The following SNAP91 variants were observed in gnomAD, a reference collection of about 807,000 sequenced individuals.
SNAP91 encodes clathrin coat assembly protein AP180.
SNAP91 carries 27 observed loss-of-function variants against 100.3 expected under a neutral mutation model. The ratio of observed to expected loss-of-function variants is 0.27; its 90% CI spans 0.20 to 0.37. The LOEUF (loss-of-function observed/expected upper bound fraction) is 0.37. SNAP91 is among the 10% of genes least tolerant of loss of function. SNAP91 has a pLI of 1.00. For synonymous variants in SNAP91, 404 were observed against 398.6 expected (o/e 1.01, Z -0.16); for missense variants, 986 against 1,123.7 (o/e 0.88, Z 1.75).
chr6:83,683,281 A>G (rs559722090), intron 2 of SNAP91, among the ~76,000 whole-genome samples: 1 of 152,082 alleles, frequency 6.6e-6, no homozygotes, highest in Non-Finnish European at 1.5e-5. Flanking sequence ...TCTCTTAGTA[A>G]GTGATACAGT....
chr6:83,555,941 A>T (rs766763195), intron 29 of SNAP91, among the ~76,000 whole-genome samples: 1 of 152,130 alleles, frequency 6.6e-6, no homozygotes, highest in Non-Finnish European at 1.5e-5. Context: ...TTTGGAGGTT[A>T]CTTTCCCTCC....
At position 83,556,277 on chromosome 6, in the gene SNAP91, G is replaced by C. The variant is rs1191246626; in HGVS notation, c.2632-32C>G. 5 of 1,012,946 alleles carry C rather than the reference G, an allele frequency of 4.9e-6. No individual in the cohort carries two copies. The Admixed American group carries it at 1.2e-4, about 25-fold the overall frequency. 62.7% of individuals were successfully genotyped at this position (1,012,946 alleles called of 1,614,324 possible). ...GGAAAAAGCCAGCCCCAAAGAGCAGGAATAGAAAGCAGAGAGAGAATGAGA... is the reference window on the plus strand; with the variant it reads ...GGAAAAAGCCAGCCCCAAAGAGCAGCAATAGAAAGCAGAGAGAGAATGAGA... On this transcript the variant is annotated intron_variant, in intron 28 of 29. Coordinates refer to ENST00000369694, the MANE Select transcript of SNAP91 (RefSeq NM_001242792.2).
intron 26 of SNAP91, among the ~76,000 whole-genome samples, chr6:83,572,540 C>A (rs1318853347): frequency 2.6e-5 from 4 of 152,170 alleles, no homozygotes; most frequent in African/African-American, 9.7e-5. Flanking sequence ...GCATGAGCCA[C>A]CGTGCCCAGC....
In SNAP91 at chr6:83,665,579, A is replaced by T. The variant is rs1285113094; in HGVS notation, c.133T>A (p.Leu45Met). 1 of 1,605,552 alleles carries T rather than the reference A, an allele frequency of 6.2e-7. No homozygotes were observed. Among genetic ancestry groups the T allele is most frequent in the South Asian group, 1.1e-5 (1 of 90,038 alleles). Reference protein sequence around the residue: ...MGPKKKHLDYLIQATNETNVN... With the variant: ...MGPKKKHLDYMIQATNETNVN... ...TTGGTCTCGTTGGTAGCCTGGATCA[A>T]ATCTATGAAAATAGAAGATATTAAT... The change falls in exon 3 of 30, where the codon TTG becomes ATG. Residue 45 changes from leucine (L) to methionine (M), a missense_variant and splice_region_variant. By Grantham distance (15) the Leu-to-Met change is conservative. Coordinates refer to ENST00000369694, the MANE Select transcript of SNAP91 (RefSeq NM_001242792.2).
chr6:83,697,366 A>ACAAT (rs1554372322), intron 2 of SNAP91, among the ~76,000 whole-genome samples: 1 of 148,436 alleles, frequency 6.7e-6, no homozygotes, highest in Non-Finnish European at 1.5e-5. Flanking sequence ...ACACACACAC[A>ACAAT]ATGCCGGCAA....
chr6:83,583,750 T>A (rs1831801841), intron 22 of SNAP91, among the ~76,000 whole-genome samples: 1 of 152,188 alleles, frequency 6.6e-6, no homozygotes, highest in Non-Finnish European at 1.5e-5. Flanking sequence ...CATCCTTAAG[T>A]TTACGTTCCA....
intron 7 of SNAP91, among the ~76,000 whole-genome samples, chr6:83,654,609 C>T (rs1259792737): frequency 2.0e-5 from 3 of 151,864 alleles, no homozygotes; most frequent in Non-Finnish European, 4.4e-5. Context: ...GTTATATCCT[C>T]AGTTTTCTGA....
At chr6:83,623,468 C>T in intron 8 of SNAP91, 126 bp from the exon 9 acceptor site, 1 of 683,408 alleles carries the variant, frequency 1.5e-6, no homozygotes, top group South Asian at 1.8e-5. Context: ...TTTTATGTAT[C>T]ACTCTCACTT....
rs562872410 is a variant in SNAP91, at chr6:83,635,093, G to A, written c.765+6003C>T. ...ATCTTAGAGTATGTACCCTGTAGAG[G>A]TGACAAGAACATACATTCTGCGGTT... On this transcript the variant is annotated intron_variant, in intron 8 of 29. Transcript: ENST00000369694. Among the ~76,000 whole-genome samples the A allele has an allele frequency of 2.3e-4, 35 of 152,224 alleles. 1 individual carries two copies. The highest frequency in any genetic ancestry group is 7.2e-4 in the African/African-American group (30 of 41,560).
intron 2 of SNAP91, among the ~76,000 whole-genome samples, chr6:83,692,556 T>C: frequency 6.6e-6 from 1 of 151,706 alleles, no homozygotes; most frequent in East Asian, 1.9e-4. Context: ...CATAACCCCA[T>C]GATGCCTTAT....
chr6:83,625,752 G>A (rs760203159), intron 8 of SNAP91, among the ~76,000 whole-genome samples: 2 of 152,038 alleles, frequency 1.3e-5, no homozygotes, highest in Non-Finnish European at 2.9e-5. Context: ...ATTTATTTAA[G>A]TTCCTTATAG....
At chr6:83,660,489 C>T (rs559714317) in intron 5 of SNAP91, among the ~76,000 whole-genome samples, 14 of 152,122 alleles carry the variant, frequency 9.2e-5, no homozygotes, top group Non-Finnish European at 1.8e-4. Context: ...TAGTACCTTG[C>T]CATTATTTCA....
At chr6:83,687,348 T>C (rs1046211751) in intron 2 of SNAP91, among the ~76,000 whole-genome samples, 1 of 152,208 alleles carries the variant, frequency 6.6e-6, no homozygotes, top group African/African-American at 2.4e-5. Context: ...AATAATATCC[T>C]ACATGGGCCA....
At chr6:83,679,772 C>T (rs2098961786) in intron 2 of SNAP91, among the ~76,000 whole-genome samples, 1 of 152,126 alleles carries the variant, frequency 6.6e-6, no homozygotes, top group East Asian at 1.9e-4. Context: ...CAGCCCTAGG[C>T]TTCAATGCAC....
chr6:83,662,879 T>C lies in SNAP91; in HGVS notation c.274-457A>G, dbSNP rs145906920. ...TTTAACACAGGCATATCTCATTTTA[T>C]TGAGCTTCTTTTTTATTGCACTTTT... On this transcript the variant is annotated intron_variant, in intron 3 of 29. Transcript: ENST00000369694. Among the ~76,000 whole-genome samples the C allele has an allele frequency of 8.5e-3, 1,299 of 152,278 alleles. 16 individuals are homozygous for C. Among genetic ancestry groups the C allele is most frequent in the African/African-American group, 0.029 (1,206 of 41,566 alleles).
intron 24 of SNAP91, among the ~76,000 whole-genome samples, chr6:83,579,100 T>C (rs1342938453): frequency 6.6e-6 from 1 of 152,202 alleles, no homozygotes; most frequent in Non-Finnish European, 1.5e-5. Context: ...TCTATGTCTA[T>C]CCTTATTCCA....
intron 23 of SNAP91, among the ~76,000 whole-genome samples, chr6:83,581,357 T>G (rs1298856746): frequency 6.6e-6 from 1 of 152,170 alleles, no homozygotes; most frequent in East Asian, 1.9e-4. Context: ...AAATACTATT[T>G]TAAGTATTAG....
chr6:83,573,381 G>T (rs1206213213), intron 26 of SNAP91, among the ~76,000 whole-genome samples: 1 of 152,120 alleles, frequency 6.6e-6, no homozygotes. Flanking sequence ...ACTGCCCAAG[G>T]TAATTTATAG....
intron 19 of SNAP91, 42 bp from the exon 20 acceptor site, chr6:83,593,059 A>C: frequency 6.5e-7 from 1 of 1,545,290 alleles, no homozygotes. Flanking sequence ...AGAGGTAAGT[A>C]GTAGAAAGCT....
Sources: gnomAD v4.1 joint callset for allele counts (sites outside exome capture counted in the v4.1 genomes callset) on GRCh38, gnomAD v4.1.1 for gene constraint, MANE v1.5 for transcripts, NCBI Gene and HGNC (gene_info 2026-07-23, HGNC 2026-07-21) for gene names.